Variants in DOCK6 observed in about 807,000 individuals in gnomAD.
DOCK6 encodes the protein dedicator of cytokinesis protein 6.
A neutral mutation model predicts 230.3 loss-of-function variants in DOCK6; 167 were observed. The ratio of observed to expected loss-of-function variants is 0.73; its 90% CI spans 0.64 to 0.82. The LOEUF (loss-of-function observed/expected upper bound fraction) is 0.82, where lower values mean the gene tolerates loss of function less well. Ranked by LOEUF, DOCK6 falls within the 40% of genes least tolerant of loss-of-function variation. The pLI, the probability that DOCK6 is intolerant of heterozygous loss-of-function variation, is 0.00. For missense variants in DOCK6, 2,598 were observed against 2,825.8 expected (o/e 0.92, Z 1.83); for synonymous variants, 1,148 against 1,185.0 (o/e 0.97, Z 0.64).
intron 20 of DOCK6, 126 bp from the exon 21 acceptor site, chr19:11,235,885 T>G: frequency 1.5e-6 from 2 of 1,318,458 alleles, no homozygotes; most frequent in Non-Finnish European, 2.0e-6. Context: ...AAATTTTTTT[T>G]TTTTTTTTTT....
chr19:11,256,003 G>C (rs1259270979), intron 1 of DOCK6, among the ~76,000 whole-genome samples: 1 of 152,078 alleles, frequency 6.6e-6, no homozygotes, highest in Non-Finnish European at 1.5e-5. Context: ...AGCCAGGCTG[G>C]TCTCGAACTC....
chr19:11,258,210 T>C (rs969953820), intron 1 of DOCK6, among the ~76,000 whole-genome samples: 7 of 152,132 alleles, frequency 4.6e-5, no homozygotes, highest in African/African-American at 1.7e-4. Flanking sequence ...CTTCCTGACA[T>C]GATGCTGAGT....
Position 11,233,274 on chromosome 19 carries a change from T to C in DOCK6, c.2647A>G (p.Ser883Gly). ...GCCACGGCGAGGTCAGGGTTGCTGC[T>C]GCTGATGCTCTTGGAACGCGCCAGG... ...LYLARSKSIS[S>G]SNPDLAVAPG... Residue 883 changes from serine (S) to glycine (G), a missense_variant, in exon 22 of 48, where the codon AGC (serine) becomes GGC (glycine). Transcript: ENST00000294618. The C allele has an allele frequency of 3.7e-6, 6 of 1,613,942 alleles. No homozygotes were observed. Among genetic ancestry groups the C allele is most frequent in the South Asian group, 2.2e-5 (2 of 91,082 alleles).
rs1045551238 is a variant in DOCK6 at position 11,238,292 on chromosome 19, G to C, written c.1656C>G (p.Tyr552Ter). 1.2e-6 allele frequency: 2 copies of C among 1,608,276 alleles called. No individual in the cohort carries two copies. Among genetic ancestry groups the C allele is most frequent in the Admixed American group, 1.7e-5 (1 of 59,284 alleles). Residue 552 changes from tyrosine (Y) to a stop codon, truncating the protein, a stop_gained, in exon 15 of 48, where the codon TAC becomes TAG. Transcript: ENST00000294618. LOFTEE classifies it high-confidence loss of function. Reference protein sequence around the residue: ...APHTSYRNLLYVYPHSLNFSS... With the variant: ...APHTSYRNLL ...TGAAGTTGAGGCTGTGCGGGTACAC[G>C]TACAGCAGGTTCCTGTGGGGGGCAG...
In DOCK6 at chr19:11,202,330, C is replaced by G. The variant is rs1187470771; in HGVS notation, c.5451+64G>C. 1.6e-5 allele frequency: 25 copies of G among 1,562,996 alleles called. No homozygotes were observed. Among genetic ancestry groups the G allele is most frequent in the Non-Finnish European group, 2.2e-5 (25 of 1,149,584 alleles). ...CCAGAGAAAGAGGATTTGAGGGTCC[C>G]CAGGAAACAGCACTTGGAGTCTCTG... On this transcript the variant is annotated intron_variant, in intron 43 of 47. Coordinates refer to ENST00000294618, the MANE Select transcript of DOCK6 (RefSeq NM_020812.4). The surrounding 1 kb of genome is among the most constrained non-coding windows in gnomAD (Gnocchi z 5.3).
At chr19:11,261,367 T>G (rs1190678873) in intron 1 of DOCK6, among the ~76,000 whole-genome samples, 1 of 138,784 alleles carries the variant, frequency 7.2e-6, no homozygotes, top group African/African-American at 2.6e-5. Context: ...CCCTTCCCTG[T>G]CTTCTTGTCC....
chr19:11,237,350 C>A, intron 18 of DOCK6, 106 bp downstream of exon 18: 1 of 1,258,900 alleles, frequency 7.9e-7, no homozygotes, highest in Non-Finnish European at 1.2e-6. Context: ...CTGGAGGCAC[C>A]AGTAGAGGAT....
intron 22 of DOCK6, among the ~76,000 whole-genome samples, chr19:11,230,146 A>G (rs1484654282): frequency 6.6e-6 from 1 of 151,968 alleles, no homozygotes; most frequent in East Asian, 1.9e-4. Context: ...ATCCTAGTCA[A>G]CATGGTGAAT....
Position 11,262,479 on chromosome 19 carries a change from C to CCCGCCGCCG in DOCK6, c.-48_-40dup, listed in dbSNP as rs755528452. The CCCGCCGCCG allele has an allele frequency of 1.2e-5, 13 of 1,098,676 alleles. No homozygotes were observed. The East Asian group carries it at 2.5e-4, about 21-fold the overall frequency. The allele number at this position is 1,098,676 out of a possible 1,614,324, so 68.1% of individuals were successfully genotyped here. ...CGCCGCCGCCGCCCCGGGCCCCGGC[C>CCCGCCGCCG]CCGCCGCCGCCGCCGCCTCCCGGTT... On this transcript the variant is annotated 5_prime_UTR_variant, in exon 1 of 48. Coordinates refer to ENST00000294618, the MANE Select transcript of DOCK6 (RefSeq NM_020812.4).
Position 11,202,271 on chromosome 19 carries a change from T to TG in DOCK6, c.5451+122dup, listed in dbSNP as rs1568663657. 7.1e-7 allele frequency: 1 copy of TG among 1,399,194 alleles called. No homozygotes were observed. Among genetic ancestry groups the TG allele is most frequent in the Non-Finnish European group, 9.8e-7 (1 of 1,016,016 alleles). The allele number at this position is 1,399,194 out of a possible 1,614,324, so 86.7% of individuals were successfully genotyped here. A position where few individuals can be genotyped will look rare whatever the true frequency, so the allele number is the denominator to read the frequency against. On this transcript the variant is annotated intron_variant, in intron 43 of 47. Coordinates refer to ENST00000294618, the MANE Select transcript of DOCK6 (RefSeq NM_020812.4). This position sits in a 1 kb window ranked among gnomAD's most constrained non-coding sequence, Gnocchi z 5.3. ...TGGGAATCCCCTGAGGAATAGGTTT[T>TG]GGGGTCCCTCAGTGAAATATGATTT...
At position 11,202,686 on chromosome 19, in the gene DOCK6, G is replaced by A. The variant is rs754573412; in HGVS notation, c.5259C>T (p.Arg1753=). ...GWERVFGTYF[R]VGFYGAHFGD... Reference sequence around the variant, plus strand: ...CGAAGTGGGCGCCGTAGAAGCCCACGCGGAAATACGTCCCGAACACGCGCT... The same window carrying A: ...CGAAGTGGGCGCCGTAGAAGCCCACACGGAAATACGTCCCGAACACGCGCT... Residue 1753 remains arginine, a synonymous_variant, in exon 42 of 48, where the codon CGC becomes CGT. Coordinates refer to ENST00000294618, the MANE Select transcript of DOCK6 (RefSeq NM_020812.4). This position sits in a 1 kb window ranked among gnomAD's most constrained non-coding sequence, Gnocchi z 5.3. 1.2e-5 allele frequency: 20 copies of A among 1,613,870 alleles called. No individual in the cohort carries two copies. Among genetic ancestry groups the A allele is most frequent in the Admixed American group, 3.3e-5 (2 of 60,010 alleles).
chr19:11,214,743 T>G, intron 32 of DOCK6, 94 bp from the exon 33 acceptor site: 7 of 1,050,744 alleles, frequency 6.7e-6, no homozygotes, highest in Non-Finnish European at 1.0e-5. Context: ...CAGGGGGCAC[T>G]GGCTCCCTGG....
chr19:11,228,955 G>C lies in DOCK6; in HGVS notation c.2799C>G (p.Phe933Leu), dbSNP rs868605231. The C allele has an allele frequency of 6.2e-7, 1 of 1,613,554 alleles. No homozygotes were observed. The highest frequency in any genetic ancestry group is 1.7e-4 in the Middle Eastern group (1 of 6,060). Reference protein sequence around the residue: ...VREAILQHAWFFFQLMVKSMA... With the variant: ...VREAILQHAWLFFQLMVKSMA... ...GGGGTCTCACCATGAGCTGGAAGAA[G>C]AACCAGGCGTGCTGGAGGATGGCCT... The change falls in exon 23 of 48, where the codon TTC (phenylalanine) becomes TTG (leucine). Residue 933 changes from phenylalanine (F) to leucine (L), a missense_variant. Coordinates refer to ENST00000294618, the MANE Select transcript of DOCK6 (RefSeq NM_020812.4).
intron 28 of DOCK6, among the ~76,000 whole-genome samples, chr19:11,220,229 C>T (rs940852531): frequency 4.6e-5 from 7 of 152,144 alleles, no homozygotes; most frequent in Admixed American, 3.9e-4. Context: ...GCTGGGATTA[C>T]AGGTATGAAC....
At chr19:11,218,328 G>A (rs375469856) in intron 28 of DOCK6, among the ~76,000 whole-genome samples, 28 of 152,182 alleles carry the variant, frequency 1.8e-4, no homozygotes, top group Admixed American at 6.5e-4. Context: ...TGTATTTTTA[G>A]TAGAGATGGG....
At chr19:11,235,974 A>G (rs1348699458) in intron 20 of DOCK6, 2 of 553,730 alleles carry the variant, frequency 3.6e-6, no homozygotes, top group South Asian at 3.2e-5. Flanking sequence ...TCCGCCTCCC[A>G]GGTTCAAGCA....
At position 11,237,638 on chromosome 19, in the gene DOCK6, C is replaced by T; in HGVS notation, c.1971+3G>A. On this transcript the variant is annotated splice_donor_region_variant and intron_variant, in intron 17 of 47. Coordinates refer to ENST00000294618, the MANE Select transcript of DOCK6 (RefSeq NM_020812.4). Reference sequence around the variant, plus strand: ...AGGGGGAGGGAGGGAGGGGACGGCTCACAGTAAAGCCCACGGGTGTCTCCA... The same window carrying T: ...AGGGGGAGGGAGGGAGGGGACGGCTTACAGTAAAGCCCACGGGTGTCTCCA... 6.3e-7 allele frequency: 1 copy of T among 1,594,498 alleles called. No individual in the cohort carries two copies. Among genetic ancestry groups the T allele is most frequent in the Non-Finnish European group, 8.5e-7 (1 of 1,171,122 alleles).
chr19:11,227,018 T>C (rs1326227912), intron 24 of DOCK6, among the ~76,000 whole-genome samples: 2 of 152,220 alleles, frequency 1.3e-5, no homozygotes, highest in Non-Finnish European at 2.9e-5. Flanking sequence ...CCTTTGCACC[T>C]GCTATTCCCC....
chr19:11,208,088 A>G (rs2079292347), intron 39 of DOCK6: 1 of 152,160 alleles, frequency 6.6e-6, no homozygotes, highest in South Asian at 2.1e-4. Context: ...ACCACTGTAC[A>G]CCAGCCTGGG....
Sources: allele counts gnomAD v4.1 joint callset (sites outside exome capture counted in the v4.1 genomes callset), GRCh38; gene constraint gnomAD v4.1.1; non-coding constraint Gnocchi (gnomAD v3.1); transcripts MANE v1.5; gene names NCBI Gene and HGNC (gene_info 2026-07-23, HGNC 2026-07-21).